ST3GAL1: variants seen among roughly 807,000 people sequenced by gnomAD.
The protein encoded by ST3GAL1 is CMP-N-acetylneuraminate-beta-galactosamide-alpha-2,3-sialyltransferase 1.
A neutral mutation model predicts 34.1 loss-of-function variants in ST3GAL1; 16 were observed. The ratio of observed to expected loss-of-function variants is 0.47; its 90% confidence interval spans 0.32 to 0.71. The LOEUF (loss-of-function observed/expected upper bound fraction) is 0.71. ST3GAL1 is among the 30% of genes least tolerant of loss of function. The probability of loss-of-function intolerance (pLI) is 0.04; values close to 1 mark genes in which losing one functional copy is unlikely to be tolerated. For missense variants in ST3GAL1, 353 were observed against 447.4 expected, an observed-to-expected ratio of 0.79 and a Z score of 1.90; for synonymous variants, 191 against 184.7, an observed-to-expected ratio of 1.03 and a Z score of -0.28.
intron 2 of ST3GAL1, among the ~76,000 whole-genome samples, chr8:133,513,505 T>A (rs1395943959): frequency 1.3e-5 from 2 of 152,204 alleles, no homozygotes; most frequent in Non-Finnish European, 1.5e-5. Flanking sequence ...GTGTACACAG[T>A]GTCCACGGCT....
intron 1 of ST3GAL1, among the ~76,000 whole-genome samples, chr8:133,558,862 T>G (rs1158839082): frequency 6.6e-6 from 1 of 152,118 alleles, no homozygotes; most frequent in East Asian, 1.9e-4. Context: ...ATTATAACAT[T>G]GATGAGAAGA....
chr8:133,535,468 T>C (rs1818280678), intron 2 of ST3GAL1, among the ~76,000 whole-genome samples: 1 of 152,126 alleles, frequency 6.6e-6, no homozygotes, highest in South Asian at 2.1e-4. Context: ...TTGGTGCCAT[T>C]TTTCCAACAG....
At chr8:133,568,684 T>C (rs180792066) in intron 1 of ST3GAL1, among the ~76,000 whole-genome samples, 2 of 152,174 alleles carry the variant, frequency 1.3e-5, no homozygotes, top group African/African-American at 4.8e-5. Flanking sequence ...TCAGCAACCT[T>C]CTACACAGGA....
At chr8:133,536,377 A>T (rs1818311516) in intron 2 of ST3GAL1, among the ~76,000 whole-genome samples, 1 of 152,260 alleles carries the variant, frequency 6.6e-6, no homozygotes. Flanking sequence ...CCAAATGCTT[A>T]TAGCTGGGCA....
At chr8:133,559,472 C>A (rs1359734818) in intron 1 of ST3GAL1, among the ~76,000 whole-genome samples, 2 of 152,170 alleles carry the variant, frequency 1.3e-5, no homozygotes, top group African/African-American at 4.8e-5. Flanking sequence ...CTCTCCCTTT[C>A]ATTTTAATTT....
At chr8:133,536,609 G>C (rs1392086017) in intron 2 of ST3GAL1, among the ~76,000 whole-genome samples, 1 of 152,226 alleles carries the variant, frequency 6.6e-6, no homozygotes, top group Admixed American at 6.5e-5. Flanking sequence ...CGGCAAGGTG[G>C]GAGGCCTGGC....
chr8:133,531,377 G>A (rs555479013), intron 2 of ST3GAL1, among the ~76,000 whole-genome samples: 26 of 152,214 alleles, frequency 1.7e-4, no homozygotes, highest in Admixed American at 2.0e-4. Flanking sequence ...CCTGTATAGC[G>A]TTTAATATGT....
At chr8:133,500,262 C>T (rs896738948) in intron 2 of ST3GAL1, among the ~76,000 whole-genome samples, 1 of 152,090 alleles carries the variant, frequency 6.6e-6, no homozygotes, top group Admixed American at 6.5e-5. Flanking sequence ...TCCCCATGCC[C>T]CATCAATAAT....
At chr8:133,540,922 T>TATATATAGACATATATATATAGAC (rs1563734216) in intron 2 of ST3GAL1, among the ~76,000 whole-genome samples, 1 of 37,740 alleles carries the variant, frequency 2.6e-5, no homozygotes, top group African/African-American at 1.4e-4. Context: ...TATATAGACA[T>TATATATAGACATATATATATAGAC]ATATATATAG....
Position 133,459,638 on chromosome 8 carries a change from T to C in ST3GAL1, c.*126A>G. The C allele has an allele frequency of 8.0e-7, 1 of 1,256,824 alleles. No homozygotes were observed. 77.9% of individuals were successfully genotyped at this position (1,256,824 alleles called of 1,614,324 possible). A position where few individuals can be genotyped will look rare whatever the true frequency, so the allele number is the denominator to read the frequency against. ...GCCAACGGCTGGGTGCAAGAGGCTG[T>C]GAGCGGTGCCCAGGCACACACCTGA... is the stretch of plus-strand genomic sequence containing the variant. On this transcript the variant is annotated 3_prime_UTR_variant, in exon 10 of 10. Coordinates refer to ENST00000522652, the MANE Select transcript of ST3GAL1 (RefSeq NM_173344.3). This position sits in a 1 kb window ranked among gnomAD's most constrained non-coding sequence, Gnocchi z 4.7.
Position 133,559,042 on chromosome 8 carries a change from T to TGG in ST3GAL1, c.-582+12650_-582+12651insCC, listed in dbSNP as rs1050784691. Among the ~76,000 whole-genome samples, 2 of 151,448 alleles carry TGG rather than the reference T, an allele frequency of 1.3e-5. 1 individual carries two copies. The highest frequency in any genetic ancestry group is 4.2e-4 in the South Asian group (2 of 4,774). On this transcript the variant is annotated intron_variant, in intron 1 of 9. Transcript: ENST00000522652. ...GGGCGATAGAGTGTGGTTTTGTGTGTGTGTGTGTGTGTGTGTGTGCATGTG... is the reference window on the plus strand; with the variant it reads ...GGGCGATAGAGTGTGGTTTTGTGTGTGGGTGTGTGTGTGTGTGTGTGCATGTG...
At chr8:133,481,564 T>C (rs1405095543) in intron 3 of ST3GAL1, among the ~76,000 whole-genome samples, 33 of 152,286 alleles carry the variant, frequency 2.2e-4, no homozygotes. Flanking sequence ...GGCCTGATCT[T>C]GGCTCACTAT....
chr8:133,492,332 C>T (rs921772547), intron 3 of ST3GAL1, among the ~76,000 whole-genome samples: 6 of 152,198 alleles, frequency 3.9e-5, no homozygotes, highest in African/African-American at 1.4e-4. Flanking sequence ...CCCTAAAGTG[C>T]ACCAACTCTG....
intron 1 of ST3GAL1, among the ~76,000 whole-genome samples, chr8:133,557,309 C>T (rs377182206): frequency 5.3e-5 from 8 of 152,204 alleles, no homozygotes; most frequent in East Asian, 3.8e-4. Flanking sequence ...CAACGCGTGG[C>T]ACAATGGGGT....
At chr8:133,534,969 A>C (rs1275540151) in intron 2 of ST3GAL1, among the ~76,000 whole-genome samples, 1 of 152,228 alleles carries the variant, frequency 6.6e-6, no homozygotes, top group Non-Finnish European at 1.5e-5. Context: ...GGAAAGGTAC[A>C]TGAGCCCTTC....
rs1586679611 is a variant in ST3GAL1 at position 133,571,284 on chromosome 8, G to A, written c.-582+409C>T. ...TCCTCCCACGGGCGGCCCCAGCGGA[G>A]GAGATCCCAGCCCGGCGCCGGGTGC... is the stretch of plus-strand genomic sequence containing the variant. On this transcript the variant is annotated intron_variant, in intron 1 of 9. Transcript: ENST00000522652. This position sits in a 1 kb window ranked among gnomAD's most constrained non-coding sequence, Gnocchi z 6.7. Among the ~76,000 whole-genome samples, 1 of 152,200 alleles carries A rather than the reference G, an allele frequency of 6.6e-6. No individual in the cohort carries two copies. Among genetic ancestry groups the A allele is most frequent in the South Asian group, 2.1e-4 (1 of 4,828 alleles).
At chr8:133,517,522 G>T (rs1229455329) in intron 2 of ST3GAL1, among the ~76,000 whole-genome samples, 1 of 152,130 alleles carries the variant, frequency 6.6e-6, no homozygotes, top group African/African-American at 2.4e-5. Flanking sequence ...GGCTAATTTT[G>T]TATTTTTAGT....
At chr8:133,528,565 G>A (rs942509529) in intron 2 of ST3GAL1, among the ~76,000 whole-genome samples, 7 of 152,226 alleles carry the variant, frequency 4.6e-5, no homozygotes, top group East Asian at 1.9e-4. Context: ...AGGGGTCATC[G>A]AATGACAGCC....
chr8:133,492,124 C>T (rs1016520582), intron 3 of ST3GAL1, among the ~76,000 whole-genome samples: 6 of 152,164 alleles, frequency 3.9e-5, no homozygotes, highest in African/African-American at 1.4e-4. Context: ...CACTGGGCAG[C>T]TTGGACCAGC....
Sources: allele counts gnomAD v4.1 joint callset (sites outside exome capture counted in the v4.1 genomes callset), GRCh38; gene constraint gnomAD v4.1.1; non-coding constraint Gnocchi (gnomAD v3.1); transcripts MANE v1.5; gene names NCBI Gene and HGNC (gene_info 2026-07-23, HGNC 2026-07-21).